Variants in FAM13C observed in about 807,000 individuals in gnomAD.
FAM13C encodes family with sequence similarity 13 member C.
In FAM13C, 37 loss-of-function variants were observed where a neutral mutation model predicts 73.2. The observed-to-expected ratio is 0.51, with a 90% CI of 0.39 to 0.67. The LOEUF is 0.67. FAM13C is among the 30% of genes least tolerant of loss of function. FAM13C has a pLI of 0.00. For missense variants in FAM13C, 589 were observed against 715.6 expected, an observed-to-expected ratio of 0.82 and a Z score of 2.02; for synonymous variants, 246 against 260.9, an observed-to-expected ratio of 0.94 and a Z score of 0.55.
rs184228693 is a variant in FAM13C at position 59,324,211 on chromosome 10, A to T, written c.325-105T>A. 1,192 of 836,742 alleles carry T rather than the reference A, an allele frequency of 1.4e-3. 2 individuals are homozygous for T. The highest frequency in any genetic ancestry group is 2.0e-3 in the Admixed American group (87 of 43,810). The allele number at this position is 836,742 out of a possible 1,614,324, so 51.8% of individuals were successfully genotyped here. A position where few individuals can be genotyped will look rare whatever the true frequency, so the allele number is the denominator to read the frequency against. ...CGGGGCAGGGAAGCAGCAATGCATA[A>T]CACATTCTGCTGATTGTAGTGTGGG... On this transcript the variant is annotated intron_variant, in intron 3 of 13. Coordinates refer to ENST00000618804, the MANE Select transcript of FAM13C (RefSeq NM_198215.4).
At chr10:59,264,217 G>C in intron 8 of FAM13C, 51 bp from the exon 9 acceptor site, 1 of 1,218,688 alleles carries the variant, frequency 8.2e-7, no homozygotes, top group Non-Finnish European at 1.2e-6. Context: ...GGAGGGAGAG[G>C]GTGGGGGAGA....
chr10:59,275,936 A>G (rs1480463610), intron 6 of FAM13C, among the ~76,000 whole-genome samples: 1 of 152,232 alleles, frequency 6.6e-6, no homozygotes, highest in Non-Finnish European at 1.5e-5. Flanking sequence ...AGAGAATTAC[A>G]GTCATCTATA....
chr10:59,304,009 G>C (rs112918313), intron 4 of FAM13C, among the ~76,000 whole-genome samples: 1 of 152,038 alleles, frequency 6.6e-6, no homozygotes, highest in Non-Finnish European at 1.5e-5. Flanking sequence ...TTAGTGGGGC[G>C]TGGTGGCAGG....
chr10:59,343,134 T>C (rs925041422), intron 3 of FAM13C, among the ~76,000 whole-genome samples: 4 of 152,216 alleles, frequency 2.6e-5, no homozygotes, highest in African/African-American at 9.6e-5. Context: ...ACCACGATTA[T>C]TCCTAAATAA....
intron 6 of FAM13C, among the ~76,000 whole-genome samples, chr10:59,280,724 T>C (rs1454721090): frequency 6.6e-6 from 1 of 152,198 alleles, no homozygotes; most frequent in Non-Finnish European, 1.5e-5. Context: ...AGGGGTACCA[T>C]GAAATGCGTT....
chr10:59,323,651 C>T (rs915042774), intron 4 of FAM13C, among the ~76,000 whole-genome samples: 6 of 152,270 alleles, frequency 3.9e-5, no homozygotes, highest in South Asian at 4.1e-4. Flanking sequence ...AAATTTATCA[C>T]TATCACAAAG....
chr10:59,305,157 T>G (rs950885032), intron 4 of FAM13C, among the ~76,000 whole-genome samples: 1 of 152,228 alleles, frequency 6.6e-6, no homozygotes, highest in African/African-American at 2.4e-5. Context: ...AAGCTGGGTT[T>G]TGCCACTACA....
At position 59,246,886 on chromosome 10, in the gene FAM13C, AATTTTTAATACAATATTTT is replaced by A; in HGVS notation, c.*709_*727del. 2.9e-6 allele frequency: 1 copy of A among 348,710 alleles called. No homozygotes were observed. Among genetic ancestry groups the A allele is most frequent in the Non-Finnish European group, 5.1e-6 (1 of 195,990 alleles). The allele number at this position is 348,710 out of a possible 1,614,324, so 21.6% of individuals were successfully genotyped here. A position where few individuals can be genotyped will look rare whatever the true frequency, so the allele number is the denominator to read the frequency against. Reference sequence around the variant, plus strand: ...ATATCTATCCAAAATACCTATTTTAAATTTTTAATACAATATTTTATTTTAATATAAACATCTGTCAGTT... The same window carrying A: ...ATATCTATCCAAAATACCTATTTTAAATTTTAATATAAACATCTGTCAGTT... On this transcript the variant is annotated 3_prime_UTR_variant, in exon 14 of 14. Coordinates refer to ENST00000618804, the MANE Select transcript of FAM13C (RefSeq NM_198215.4).
At chr10:59,297,631 C>A (rs1847074998) in intron 5 of FAM13C, among the ~76,000 whole-genome samples, 1 of 152,156 alleles carries the variant, frequency 6.6e-6, no homozygotes, top group African/African-American at 2.4e-5. Flanking sequence ...CCTCAACCCC[C>A]TCAGTTCCAG....
intron 4 of FAM13C, among the ~76,000 whole-genome samples, chr10:59,313,723 T>C (rs1372331597): frequency 1.3e-5 from 2 of 152,122 alleles, no homozygotes. Flanking sequence ...GAAGGTAACC[T>C]GGGCTCTGTG....
chr10:59,345,158 T>C (rs1203443987), intron 3 of FAM13C, among the ~76,000 whole-genome samples: 5 of 152,192 alleles, frequency 3.3e-5, no homozygotes, highest in African/African-American at 4.8e-5. Flanking sequence ...CCAAGCAGCA[T>C]GTAAGCAGAG....
At chr10:59,287,748 A>G (rs893151074) in intron 5 of FAM13C, among the ~76,000 whole-genome samples, 32 of 152,240 alleles carry the variant, frequency 2.1e-4, no homozygotes, top group Admixed American at 6.5e-5. Flanking sequence ...GGAAAGCTGG[A>G]AAGCACTTTG....
intron 2 of FAM13C, among the ~76,000 whole-genome samples, chr10:59,352,914 G>C (rs986291045): frequency 6.6e-6 from 1 of 152,120 alleles, no homozygotes; most frequent in Non-Finnish European, 1.5e-5. Flanking sequence ...GCCTCATGTG[G>C]GTCTCCAGAC....
intron 4 of FAM13C, among the ~76,000 whole-genome samples, chr10:59,313,509 T>C (rs539149865): frequency 1.3e-5 from 2 of 152,316 alleles, no homozygotes; most frequent in South Asian, 2.1e-4. Flanking sequence ...CACTTTGTCA[T>C]GTACAACCCC....
Position 59,247,247 on chromosome 10 carries a change from T to C in FAM13C, c.*367A>G, listed in dbSNP as rs1840786131. 5.7e-6 allele frequency: 1 copy of C among 174,370 alleles called. No homozygotes were observed. The highest frequency in any genetic ancestry group is 1.2e-5 in the Non-Finnish European group (1 of 83,768). 10.8% of individuals were successfully genotyped at this position (174,370 alleles called of 1,614,324 possible). On this transcript the variant is annotated 3_prime_UTR_variant, in exon 14 of 14. Transcript: ENST00000618804. ...TTTTTTAAAATCATGCTCTTTTCCA[T>C]ACATCAACATAAACAGTCTTTGGAT...
intron 3 of FAM13C, among the ~76,000 whole-genome samples, chr10:59,351,195 G>A (rs180728257): frequency 5.1e-4 from 77 of 151,976 alleles, no homozygotes; most frequent in Non-Finnish European, 9.9e-4. Context: ...AGCTGGGCAC[G>A]GTGGCTCACA....
chr10:59,349,405 AC>A (rs962812092), intron 3 of FAM13C, among the ~76,000 whole-genome samples: 9 of 152,330 alleles, frequency 5.9e-5, no homozygotes, highest in African/African-American at 2.2e-4. Flanking sequence ...GATTTGTAGA[AC>A]TTTAGTGGAG....
chr10:59,288,218 G>A (rs577538943), intron 5 of FAM13C, among the ~76,000 whole-genome samples: 7 of 152,168 alleles, frequency 4.6e-5, no homozygotes, highest in East Asian at 3.9e-4. Context: ...GTGGCTGGGC[G>A]CAGTGGCTTA....
At position 59,264,029 on chromosome 10, in the gene FAM13C, A is replaced by G. The variant is rs567885131; in HGVS notation, c.1024+56T>C. The G allele has an allele frequency of 1.5e-5, 22 of 1,477,580 alleles. No individual in the cohort carries two copies. In the East Asian group the frequency reaches 3.4e-4, roughly 23 times the overall value. 91.5% of individuals were successfully genotyped at this position (1,477,580 alleles called of 1,614,324 possible). On this transcript the variant is annotated intron_variant, in intron 9 of 13. Coordinates refer to ENST00000618804, the MANE Select transcript of FAM13C (RefSeq NM_198215.4). ...AATCTAAAATGCTCTGGAGCACATT[A>G]TCACTAGTTTAACTGCTTCCTTTGT...
Sources: gnomAD v4.1 joint callset for allele counts (sites outside exome capture counted in the v4.1 genomes callset) on GRCh38, gnomAD v4.1.1 for gene constraint, MANE v1.5 for transcripts, NCBI Gene and HGNC (gene_info 2026-07-23, HGNC 2026-07-21) for gene names.